NKAIN2: variants seen among roughly 807,000 people sequenced by gnomAD.
NKAIN2 encodes the protein sodium/potassium transporting ATPase interacting 2.
A neutral mutation model predicts 32.6 loss-of-function variants in NKAIN2; 14 were observed. That is an observed-to-expected ratio of 0.43 (90% CI 0.28 to 0.67). The LOEUF (loss-of-function observed/expected upper bound fraction) is 0.67, where lower values mean the gene tolerates loss of function less well. NKAIN2 is among the 30% of genes least tolerant of loss of function. The pLI is 0.17. For synonymous variants in NKAIN2, 80 were observed against 87.2 expected (o/e 0.92, Z 0.46); for missense variants, 198 against 258.3 (o/e 0.77, Z 1.60).
intron 1 of NKAIN2, among the ~76,000 whole-genome samples, chr6:124,132,166 T>C (rs1455439395): frequency 6.6e-6 from 1 of 152,120 alleles, no homozygotes; most frequent in Non-Finnish European, 1.5e-5. Flanking sequence ...TGGTGAACTA[T>C]ACTGCACAGC....
chr6:124,084,588 G>A (rs532227748), intron 1 of NKAIN2, among the ~76,000 whole-genome samples: 1 of 151,906 alleles, frequency 6.6e-6, no homozygotes, highest in Non-Finnish European at 1.5e-5. Context: ...TTATATTTCT[G>A]TAGAGCCTGA....
At chr6:124,123,052 G>A (rs1480355205) in intron 1 of NKAIN2, among the ~76,000 whole-genome samples, 1 of 151,772 alleles carries the variant, frequency 6.6e-6, no homozygotes, top group Middle Eastern at 3.2e-3. Context: ...TAAGTGTTAG[G>A]CATCACATTT....
intron 3 of NKAIN2, among the ~76,000 whole-genome samples, chr6:124,516,987 G>A (rs1778939745): frequency 6.6e-6 from 1 of 152,136 alleles, no homozygotes; most frequent in African/African-American, 2.4e-5. Context: ...CATCTTGTTA[G>A]CTTTTGAGGG....
intron 3 of NKAIN2, among the ~76,000 whole-genome samples, chr6:124,392,274 A>T (rs1486979816): frequency 2.0e-5 from 3 of 152,132 alleles, no homozygotes; most frequent in African/African-American, 7.2e-5. Flanking sequence ...CCCGTATTTT[A>T]TTGGTTTACT....
chr6:124,329,549 G>T (rs142338942), intron 2 of NKAIN2, among the ~76,000 whole-genome samples: 1 of 152,154 alleles, frequency 6.6e-6, no homozygotes, highest in African/African-American at 2.4e-5. Flanking sequence ...CAAGATTGTC[G>T]CTGGGAGTGA....
At chr6:124,159,507 C>A (rs1488859490) in intron 1 of NKAIN2, among the ~76,000 whole-genome samples, 5 of 152,114 alleles carry the variant, frequency 3.3e-5, no homozygotes, top group African/African-American at 2.4e-5. Flanking sequence ...TGTAAAATTT[C>A]TCTGTATGTA....
intron 3 of NKAIN2, among the ~76,000 whole-genome samples, chr6:124,361,666 T>C (rs775692551): frequency 1.3e-5 from 2 of 152,104 alleles, no homozygotes; most frequent in Admixed American, 6.6e-5. Flanking sequence ...ATATAACTTG[T>C]CAATTTGAAA....
chr6:123,965,861 G>A (rs1213804522), intron 1 of NKAIN2, among the ~76,000 whole-genome samples: 1 of 151,922 alleles, frequency 6.6e-6, no homozygotes, highest in East Asian at 1.9e-4. Context: ...TTGTATTACT[G>A]GTATACAATA....
chr6:123,865,609 T>C (rs2114256420), intron 1 of NKAIN2, among the ~76,000 whole-genome samples: 1 of 152,346 alleles, frequency 6.6e-6, no homozygotes, highest in African/African-American at 2.4e-5. Flanking sequence ...TTTAATGCAG[T>C]TATTTCACAG....
intron 3 of NKAIN2, among the ~76,000 whole-genome samples, chr6:124,487,035 G>A (rs1777679726): frequency 6.6e-6 from 1 of 152,112 alleles, no homozygotes; most frequent in Non-Finnish European, 1.5e-5. Flanking sequence ...CAAGCAAGGT[G>A]TCTCACCCTA....
At chr6:124,518,376 A>C (rs532728110) in intron 3 of NKAIN2, among the ~76,000 whole-genome samples, 1 of 151,908 alleles carries the variant, frequency 6.6e-6, no homozygotes, top group South Asian at 2.1e-4. Flanking sequence ...TTGCATTGCT[A>C]TAGAGAAATA....
intron 3 of NKAIN2, among the ~76,000 whole-genome samples, chr6:124,609,076 A>C (rs914173881): frequency 9.9e-5 from 15 of 152,178 alleles, no homozygotes; most frequent in African/African-American, 3.6e-4. Flanking sequence ...TGAACATAGG[A>C]ATTGTTCAGG....
intron 3 of NKAIN2, among the ~76,000 whole-genome samples, chr6:124,540,372 TA>T (rs1323877429): frequency 1.3e-5 from 2 of 152,246 alleles, no homozygotes; most frequent in Admixed American, 6.5e-5. Context: ...GCTTTATCTT[TA>T]AAAACAGTTT....
chr6:124,820,882 C>T (rs79872901), intron 6 of NKAIN2, among the ~76,000 whole-genome samples: 3 of 152,242 alleles, frequency 2.0e-5, no homozygotes, highest in Admixed American at 2.0e-4. Flanking sequence ...ACCATTCCCC[C>T]CAACCCTGGT....
At chr6:124,647,415 C>A (rs1004786355) in intron 3 of NKAIN2, among the ~76,000 whole-genome samples, 2 of 139,908 alleles carry the variant, frequency 1.4e-5, no homozygotes, top group Middle Eastern at 4.4e-3. Context: ...GACGTGCTCA[C>A]TTGAACCCAG....
At chr6:124,710,540 T>A (rs1442918677) in intron 4 of NKAIN2, among the ~76,000 whole-genome samples, 7 of 152,084 alleles carry the variant, frequency 4.6e-5, no homozygotes, top group Admixed American at 6.6e-5. Flanking sequence ...TATATTTAGG[T>A]TAGTTAGCTC....
chr6:124,383,316 CA>C (rs1772729970), intron 3 of NKAIN2, among the ~76,000 whole-genome samples: 1 of 152,122 alleles, frequency 6.6e-6, no homozygotes. Context: ...CTCTCCAATC[CA>C]TTTTTTTGAC....
intron 1 of NKAIN2, among the ~76,000 whole-genome samples, chr6:123,942,089 A>G (rs1190476867): frequency 2.0e-5 from 3 of 151,870 alleles, no homozygotes; most frequent in African/African-American, 7.2e-5. Flanking sequence ...AGATCACTTT[A>G]TTTTTTACGT....
intron 1 of NKAIN2, among the ~76,000 whole-genome samples, chr6:124,083,978 T>G (rs1187122300): frequency 1.1e-4 from 16 of 151,942 alleles, no homozygotes; most frequent in Admixed American, 9.9e-4. Flanking sequence ...TGATCTTGAT[T>G]GTAAGAGAAA....
Sources: allele counts gnomAD v4.1 joint callset (sites outside exome capture counted in the v4.1 genomes callset), GRCh38; gene constraint gnomAD v4.1.1; transcripts MANE v1.5; gene names NCBI Gene and HGNC (gene_info 2026-07-23, HGNC 2026-07-21).